Variants in PPM1F observed in about 807,000 individuals in gnomAD.
PPM1F encodes the protein protein phosphatase, Mg2+/Mn2+ dependent 1F.
PPM1F carries 17 observed loss-of-function variants against 35.5 expected under a neutral mutation model. That is an observed-to-expected ratio of 0.48 (90% confidence interval 0.33 to 0.72). The LOEUF (loss-of-function observed/expected upper bound fraction) is 0.72. Among genes scored for constraint, PPM1F ranks in the 30% least tolerant of loss-of-function variants. The pLI is 0.02. For synonymous variants in PPM1F, 241 were observed against 255.5 expected, an observed-to-expected ratio of 0.94 and a Z score of 0.54; for missense variants, 521 against 613.0, an observed-to-expected ratio of 0.85 and a Z score of 1.59.
At chr22:21,927,184 CAAGGAGGACCAGG>C (rs1221217828) in intron 6 of PPM1F, among the ~76,000 whole-genome samples, 1 of 152,118 alleles carries the variant, frequency 6.6e-6, no homozygotes, top group Non-Finnish European at 1.5e-5. Flanking sequence ...AAGGGAAAGG[CAAGGAGGACCAGG>C]AAGGAGGGAA....
At chr22:21,930,128 T>C (rs907535689) in intron 6 of PPM1F, among the ~76,000 whole-genome samples, 2 of 152,172 alleles carry the variant, frequency 1.3e-5, no homozygotes, top group African/African-American at 4.8e-5. Flanking sequence ...GAAAACACGC[T>C]CAAACTCACT....
At chr22:21,938,528 T>C in intron 3 of PPM1F, 2 of 1,074,846 alleles carry the variant, frequency 1.9e-6, no homozygotes, top group South Asian at 2.2e-5. Flanking sequence ...TCCCACCTTG[T>C]TCCTTTTCCC....
intron 1 of PPM1F, chr22:21,952,148 C>T (rs1225823395): frequency 1.3e-5 from 2 of 152,340 alleles, no homozygotes; most frequent in African/African-American, 4.8e-5. Flanking sequence ...GCCAGTTCTT[C>T]CTGTTGTACA....
At chr22:21,938,696 C>A (rs1289165028) in intron 3 of PPM1F, 2 of 755,330 alleles carry the variant, frequency 2.6e-6, no homozygotes, top group East Asian at 1.3e-4. Context: ...GACAACTATT[C>A]AGCTGGGTGG....
rs1287537907 is a variant in PPM1F at position 21,945,463 on chromosome 22, CAT to C, written c.206+378_206+379del. 1.3e-5 allele frequency: 3 copies of C among 232,020 alleles called. No individual in the cohort carries two copies. The South Asian group carries it at 1.5e-4, about 12-fold the overall frequency. 14.4% of individuals were successfully genotyped at this position (232,020 alleles called of 1,614,324 possible). A position where few individuals can be genotyped will look rare whatever the true frequency, so the allele number is the denominator to read the frequency against. On this transcript the variant is annotated intron_variant, in intron 2 of 7. Coordinates refer to ENST00000263212, the MANE Select transcript of PPM1F (RefSeq NM_014634.4). ...GGAGGTGTGAAGGCACAGACACACA[CAT>C]GGGGAGATGCCGTGTGCAACAAGGC...
intron 6 of PPM1F, among the ~76,000 whole-genome samples, chr22:21,927,937 G>GT (rs1392008034): frequency 5.3e-4 from 36 of 68,100 alleles, no homozygotes; most frequent in African/African-American, 7.1e-4. Context: ...TCTGTTTTTT[G>GT]TTTTGTTTTT....
chr22:21,942,160 G>C (rs1244972916), intron 2 of PPM1F: 1 of 152,344 alleles, frequency 6.6e-6, no homozygotes, highest in Admixed American at 6.5e-5. Context: ...GCTTTAACTG[G>C]AAGGCGAGGA....
At chr22:21,938,347 G>A (rs2070685947) in intron 3 of PPM1F, 1 of 1,189,348 alleles carries the variant, frequency 8.4e-7, no homozygotes, top group Non-Finnish European at 1.1e-6. Context: ...GCTCGGCCGA[G>A]AACAATGGCC....
chr22:21,922,820 C>T lies in PPM1F; in HGVS notation c.*272G>A. The stretch of plus-strand genomic sequence containing the variant: ...GGCACCTATGACCTCTGGTCCCACC[C>T]CGGGCCTAATAGGAGCTGGGAGCAA... On this transcript the variant is annotated 3_prime_UTR_variant, in exon 8 of 8. Coordinates refer to ENST00000263212, the MANE Select transcript of PPM1F (RefSeq NM_014634.4). 2.2e-6 allele frequency: 1 copy of T among 450,746 alleles called. No individual in the cohort carries two copies. The highest frequency in any genetic ancestry group is 2.0e-5 in the African/African-American group (1 of 50,802). The allele number at this position is 450,746 out of a possible 1,614,324, so 27.9% of individuals were successfully genotyped here.
At chr22:21,938,063 C>A in intron 3 of PPM1F, 1 of 1,260,666 alleles carries the variant, frequency 7.9e-7, no homozygotes, top group Non-Finnish European at 1.0e-6. Flanking sequence ...CTAGGCAGGC[C>A]TGCATGCGAG....
rs2070729058 is a variant in PPM1F, at chr22:21,941,867, G to C, written c.207-2187C>G. 1.3e-5 allele frequency: 2 copies of C among 152,386 alleles called. 1 individual carries two copies. Among genetic ancestry groups the C allele is most frequent in the Admixed American group, 1.3e-4 (2 of 15,286 alleles). 9.4% of individuals were successfully genotyped at this position (152,386 alleles called of 1,614,324 possible). Reference sequence around the variant, plus strand: ...GAAGAGAGCCACGGGGCAGATCAGGGAAAGAAACACTGAAGCCATCTGTGG... The same window carrying C: ...GAAGAGAGCCACGGGGCAGATCAGGCAAAGAAACACTGAAGCCATCTGTGG... On this transcript the variant is annotated intron_variant, in intron 2 of 7. Coordinates refer to ENST00000263212, the MANE Select transcript of PPM1F (RefSeq NM_014634.4).
chr22:21,931,022 C>G, intron 6 of PPM1F, 126 bp downstream of exon 6: 2 of 1,454,644 alleles, frequency 1.4e-6, no homozygotes, highest in Non-Finnish European at 1.8e-6. Context: ...AGGCAGGGAG[C>G]CCTCCCTCTT....
At chr22:21,925,696 C>CG in intron 6 of PPM1F, 34 bp from the exon 7 acceptor site, 3 of 1,507,904 alleles carry the variant, frequency 2.0e-6, no homozygotes, top group South Asian at 1.2e-5. Flanking sequence ...GGGGCAGGGC[C>CG]GGGGGGATGG....
At chr22:21,929,266 G>C (rs1351779903) in intron 6 of PPM1F, among the ~76,000 whole-genome samples, 2 of 152,156 alleles carry the variant, frequency 1.3e-5, no homozygotes, top group African/African-American at 4.8e-5. Context: ...AAGGGGAGGT[G>C]GGGGGCACTG....
chr22:21,951,250 G>C (rs112568181), intron 1 of PPM1F: 1 of 152,130 alleles, frequency 6.6e-6, no homozygotes, highest in African/African-American at 2.4e-5. Flanking sequence ...AGTGACTGGC[G>C]GGTGGCATGG....
At chr22:21,944,399 G>A (rs551540937) in intron 2 of PPM1F, 1 of 152,352 alleles carries the variant, frequency 6.6e-6, no homozygotes, top group Admixed American at 6.5e-5. Context: ...ATAGGCCCTT[G>A]GTGGGTGTCA....
rs752308850 is a variant in PPM1F, at chr22:21,946,022, G to T, written c.27C>A (p.Ser9Arg). Residue 9 changes from serine to arginine, a missense_variant, in exon 2 of 8, where the codon AGC (serine) becomes AGA (arginine). This residue lies in a region of PPM1F where 311 missense variants were observed against 351.5 expected (regional missense o/e 0.88). Coordinates refer to ENST00000263212, the MANE Select transcript of PPM1F (RefSeq NM_014634.4). MSSGAPQK[S>R]SPMASGAEET... ...CCTCAGCTCCACTGGCCATTGGGCT[G>T]CTCTTCTGTGGGGCTCCAGAGGACA... 1 of 1,574,896 alleles carries T rather than the reference G, an allele frequency of 6.3e-7. No individual in the cohort carries two copies. The highest frequency in any genetic ancestry group is 8.6e-7 in the Non-Finnish European group (1 of 1,159,058).
chr22:21,933,593 G>A lies in PPM1F; in HGVS notation c.559-14C>T, dbSNP rs754377952. 5.0e-6 allele frequency: 8 copies of A among 1,598,574 alleles called. No homozygotes were observed. The highest frequency in any genetic ancestry group is 6.8e-6 in the Non-Finnish European group (8 of 1,168,066). On this transcript the variant is annotated splice_polypyrimidine_tract_variant and intron_variant, in intron 4 of 7. Transcript: ENST00000263212. Reference sequence around the variant, plus strand: ...GTTCACAGGGTCCTGGTGGGGATGTGGTGGGAGTCACAGACCCGCGGGACC... The same window carrying A: ...GTTCACAGGGTCCTGGTGGGGATGTAGTGGGAGTCACAGACCCGCGGGACC...
intron 6 of PPM1F, among the ~76,000 whole-genome samples, chr22:21,926,915 T>A (rs2070522989): frequency 6.6e-6 from 1 of 152,190 alleles, no homozygotes; most frequent in African/African-American, 2.4e-5. Context: ...CCTCTCCAGA[T>A]GCCTGCACCA....
Sources: allele counts gnomAD v4.1 joint callset (sites outside exome capture counted in the v4.1 genomes callset), GRCh38; gene constraint gnomAD v4.1.1; regional missense constraint gnomAD v4.1.1; transcripts MANE v1.5; gene names NCBI Gene and HGNC (gene_info 2026-07-23, HGNC 2026-07-21).